The following TSBP1 variants were observed in gnomAD, a reference collection of about 807,000 sequenced individuals.
The protein encoded by TSBP1 is testis expressed basic protein 1.
TSBP1 carries 56 observed loss-of-function variants against 68.8 expected under a neutral mutation model. The ratio of observed to expected loss-of-function variants is 0.81; its 90% confidence interval spans 0.66 to 1.02. TSBP1 has a LOEUF of 1.02. Ranked by LOEUF, TSBP1 falls within the 50% of genes least tolerant of loss-of-function variation. TSBP1 has a pLI of 0.00. For missense variants in TSBP1, 502 were observed against 641.2 expected (o/e 0.78, Z 2.34); for synonymous variants, 171 against 208.7 (o/e 0.82, Z 1.56).
At chr6:32,358,934 A>ATTATTATTATTATTATTATTATTC (rs1562181079) in intron 6 of TSBP1, among the ~76,000 whole-genome samples, 1 of 130,736 alleles carries the variant, frequency 7.6e-6, no homozygotes, top group African/African-American at 2.8e-5. Context: ...TATTATTATT[A>ATTATTATTATTATTATTATTATTC]TACTTTAAGT....
At chr6:32,344,080 T>A (rs1024713518) in intron 9 of TSBP1, among the ~76,000 whole-genome samples, 4 of 151,166 alleles carry the variant, frequency 2.6e-5, no homozygotes, top group African/African-American at 7.3e-5. Context: ...GAACTGCATT[T>A]ATTTAATTTA....
At chr6:32,368,749 A>G (rs1562203625) in intron 3 of TSBP1, 33 bp downstream of exon 3, 4 of 1,543,916 alleles carry the variant, frequency 2.6e-6, no homozygotes, top group Admixed American at 1.8e-5. Flanking sequence ...TATAAGTACT[A>G]TATTTATTTT....
At chr6:32,347,995 C>T (rs755381577) in intron 9 of TSBP1, among the ~76,000 whole-genome samples, 2 of 152,114 alleles carry the variant, frequency 1.3e-5, no homozygotes, top group Admixed American at 6.5e-5. Context: ...TTGTTTTCTC[C>T]GTAGAATTTA....
At chr6:32,330,635 A>AACACACACACACACAC (rs9279582) in intron 15 of TSBP1, 26 bp from the exon 17 acceptor site, 24 of 1,134,780 alleles carry the variant, frequency 2.1e-5, no homozygotes, top group Admixed American at 1.6e-4. Flanking sequence ...AAACAAATTA[A>AACACACACACACACAC]ACACACACAC....
chr6:32,347,385 G>A (rs1771163276), intron 9 of TSBP1, among the ~76,000 whole-genome samples: 1 of 131,256 alleles, frequency 7.6e-6, no homozygotes, highest in African/African-American at 2.6e-5. Context: ...TGTGATGTCT[G>A]GTTTTTTGTA....
intron 4 of TSBP1, among the ~76,000 whole-genome samples, chr6:32,366,712 G>A (rs9268373): frequency 0.35 from 49,338 of 142,954 alleles, 9,320 homozygotes; most frequent in Middle Eastern, 0.56. Flanking sequence ...GCAGTGAGCC[G>A]AGATTGCGCC....
At chr6:32,354,385 CAA>C in intron 8 of TSBP1, among the ~76,000 whole-genome samples, 1 of 151,942 alleles carries the variant, frequency 6.6e-6, no homozygotes, top group African/African-American at 2.4e-5. Flanking sequence ...TATACGTATT[CAA>C]GTGGCAATAA....
At chr6:32,310,761 A>ATATATATATATTT in intron 19 of TSBP1, among the ~76,000 whole-genome samples, 8 of 144,834 alleles carry the variant, frequency 5.5e-5, no homozygotes, top group South Asian at 2.2e-4. Flanking sequence ...ATATATATAT[A>ATATATATATATTT]TTTTTAATCT....
intron 18 of TSBP1, chr6:32,320,140 T>C (rs1006005802): frequency 2.2e-6 from 1 of 455,784 alleles, no homozygotes; most frequent in African/African-American, 2.0e-5. Context: ...CTATCTTTCA[T>C]GGATATTCTA....
At chr6:32,298,697 T>G (rs1329628124) in intron 22 of TSBP1, among the ~76,000 whole-genome samples, 1 of 152,252 alleles carries the variant, frequency 6.6e-6, no homozygotes, top group Non-Finnish European at 1.5e-5. Context: ...TAAACACGAT[T>G]AAATATAAGG....
intron 4 of TSBP1, among the ~76,000 whole-genome samples, chr6:32,367,052 C>CGTGTGTGTGTGTGT (rs3038518): frequency 0.068 from 10,156 of 148,328 alleles, 520 homozygotes; most frequent in Non-Finnish European, 0.079. Context: ...ATGCTTGTAG[C>CGTGTGTGTGTGTGT]GTGTGTGTGT....
Position 32,336,644 on chromosome 6 carries a change from C to A in TSBP1, c.410-9G>T. On this transcript the variant is annotated splice_polypyrimidine_tract_variant and intron_variant, in intron 11 of 22. Transcript: ENST00000612031. This position sits in a 1 kb window ranked among gnomAD's most constrained non-coding sequence, Gnocchi z 5.2. ...AGGGGCTGTGAATTGCACTGAAATACAAAAAGGAGGAAAGTGTGGTTTGAC... is the reference window on the plus strand; with the variant it reads ...AGGGGCTGTGAATTGCACTGAAATAAAAAAAGGAGGAAAGTGTGGTTTGAC... 1 of 1,611,530 alleles carries A rather than the reference C, an allele frequency of 6.2e-7. No homozygotes were observed. Among genetic ancestry groups the A allele is most frequent in the Non-Finnish European group, 8.5e-7 (1 of 1,178,832 alleles).
chr6:32,341,670 G>T (rs1193898883), intron 9 of TSBP1, among the ~76,000 whole-genome samples: 2 of 152,150 alleles, frequency 1.3e-5, no homozygotes, highest in Non-Finnish European at 2.9e-5. Flanking sequence ...CCTGAGTTGG[G>T]ATAGGGCAAG....
chr6:32,344,663 C>T lies in TSBP1; in HGVS notation c.350-5025G>A, dbSNP rs868443876. ...TCACACTACCCTCACCAGGGAGCATCAAATCCTCTATGCCAGCTGTAGTGT... is the reference window on the plus strand; with the variant it reads ...TCACACTACCCTCACCAGGGAGCATTAAATCCTCTATGCCAGCTGTAGTGT... On this transcript the variant is annotated intron_variant, in intron 9 of 22. Coordinates refer to ENST00000612031, the Ensembl canonical transcript of TSBP1. Among the ~76,000 whole-genome samples, 47 of 152,200 alleles carry T rather than the reference C, an allele frequency of 3.1e-4. 1 individual carries two copies. Among genetic ancestry groups the T allele is most frequent in the African/African-American group, 1.1e-3 (46 of 41,542 alleles).
In TSBP1 at chr6:32,312,997, A is replaced by G. The variant is rs117627796; in HGVS notation, c.580+2775T>C. 4.1e-3 allele frequency among the ~76,000 whole-genome samples: 631 copies of G among 152,312 alleles called. 27 individuals are homozygous for G. In the East Asian group the frequency reaches 0.08, roughly 19 times the overall value. ...TATCATTTCCCTGTTCAAGCCCTTC[A>G]GTTACTTCTCATGATGCCTAGAATG... On this transcript the variant is annotated intron_variant, in intron 19 of 22. Transcript: ENST00000612031.
At chr6:32,295,937 C>T (rs1231363719) in intron 22 of TSBP1, among the ~76,000 whole-genome samples, 3 of 151,700 alleles carry the variant, frequency 2.0e-5, no homozygotes, top group East Asian at 1.9e-4. Flanking sequence ...CTTTGCCTCC[C>T]GAGTTCAAGG....
intron 22 of TSBP1, among the ~76,000 whole-genome samples, chr6:32,297,136 T>G (rs979590546): frequency 6.6e-6 from 1 of 152,214 alleles, no homozygotes; most frequent in Non-Finnish European, 1.5e-5. Context: ...CACCACATTC[T>G]AAGTTCTTTT....
chr6:32,294,205 T>C (rs1653260971), intron 22 of TSBP1, 170 bp from the exon 26 acceptor site: 2 of 745,016 alleles, frequency 2.7e-6, no homozygotes, highest in Non-Finnish European at 4.4e-6. Flanking sequence ...ATTATAAAAG[T>C]ATCGATAAAA....
At chr6:32,354,135 C>T (rs1004018608) in intron 8 of TSBP1, among the ~76,000 whole-genome samples, 17 of 151,820 alleles carry the variant, frequency 1.1e-4, no homozygotes, top group African/African-American at 3.9e-4. Context: ...AGTCAAGAGA[C>T]AGCATAAAAA....
Sources: allele counts gnomAD v4.1 joint callset (sites outside exome capture counted in the v4.1 genomes callset), GRCh38; gene constraint gnomAD v4.1.1; non-coding constraint Gnocchi (gnomAD v3.1); transcripts MANE v1.5; gene names NCBI Gene and HGNC (gene_info 2026-07-23, HGNC 2026-07-21).